NUTF2: variants seen among roughly 807,000 people sequenced by gnomAD.
NUTF2 encodes nuclear transport factor 2.
A neutral mutation model predicts 18.5 loss-of-function variants in NUTF2; 3 were observed. The observed-to-expected ratio is 0.16, with a 90% CI of 0.07 to 0.42. The LOEUF (loss-of-function observed/expected upper bound fraction) is 0.42, where lower values mean the gene tolerates loss of function less well. Among genes scored for constraint, NUTF2 ranks in the 10% least tolerant of loss-of-function variants. The pLI is 0.99. For missense variants in NUTF2, 44 were observed against 160.7 expected (o/e 0.27, Z 3.93); for synonymous variants, 51 against 57.9 (o/e 0.88, Z 0.54).
Position 67,862,475 on chromosome 16 carries a change from C to T in NUTF2, c.-29-2627C>T, listed in dbSNP as rs549669463. On this transcript the variant is annotated intron_variant, in intron 1 of 4. Coordinates refer to ENST00000219169, the MANE Select transcript of NUTF2 (RefSeq NM_005796.3). ...TGCCCTACCAGGCCAAAGGGTCTTTCTCTTCCTTTATCCCTCCACCCCATT... is the reference window on the plus strand; with the variant it reads ...TGCCCTACCAGGCCAAAGGGTCTTTTTCTTCCTTTATCCCTCCACCCCATT... Among the ~76,000 whole-genome samples, 79 of 152,304 alleles carry T rather than the reference C, an allele frequency of 5.2e-4. 1 individual carries two copies. Among genetic ancestry groups the T allele is most frequent in the Non-Finnish European group, 7.2e-4 (49 of 68,026 alleles).
At chr16:67,863,533 A>G (rs903406967) in intron 1 of NUTF2, among the ~76,000 whole-genome samples, 3 of 152,050 alleles carry the variant, frequency 2.0e-5, no homozygotes, top group Admixed American at 2.0e-4. Context: ...AGCACTTACC[A>G]TGTTGAGCTG....
intron 2 of NUTF2, among the ~76,000 whole-genome samples, chr16:67,865,903 A>G (rs2057968005): frequency 6.6e-6 from 1 of 151,986 alleles, no homozygotes; most frequent in Non-Finnish European, 1.5e-5. Flanking sequence ...TATTTTTAGT[A>G]GAGATGGGGT....
intron 2 of NUTF2, among the ~76,000 whole-genome samples, chr16:67,867,933 G>T (rs190870994): frequency 6.6e-6 from 1 of 152,092 alleles, no homozygotes; most frequent in East Asian, 1.9e-4. Context: ...TGATCTTCCC[G>T]CCTTGGCTTC....
At chr16:67,852,479 TC>T (rs1304616534) in intron 1 of NUTF2, among the ~76,000 whole-genome samples, 1 of 150,756 alleles carries the variant, frequency 6.6e-6, no homozygotes, top group Non-Finnish European at 1.5e-5. Flanking sequence ...GTGTCAACCT[TC>T]CGAGTGGCTG....
chr16:67,859,751 C>T (rs930663787), intron 1 of NUTF2, among the ~76,000 whole-genome samples: 4 of 150,078 alleles, frequency 2.7e-5, no homozygotes, highest in African/African-American at 9.8e-5. Context: ...CCGCCTTGGC[C>T]TCCCAAAATG....
At chr16:67,853,963 CTTTT>C (rs1228554840) in intron 1 of NUTF2, among the ~76,000 whole-genome samples, 3 of 152,012 alleles carry the variant, frequency 2.0e-5, no homozygotes, top group African/African-American at 7.2e-5. Flanking sequence ...GCATGGCCTT[CTTTT>C]TGAGATGGAG....
At chr16:67,863,962 C>T (rs1378406646) in intron 1 of NUTF2, among the ~76,000 whole-genome samples, 7 of 152,170 alleles carry the variant, frequency 4.6e-5, no homozygotes, top group Non-Finnish European at 1.0e-4. Flanking sequence ...GAGACAGCTC[C>T]TTAGGGTAAA....
At chr16:67,861,691 A>G (rs2057936354) in intron 1 of NUTF2, among the ~76,000 whole-genome samples, 1 of 152,168 alleles carries the variant, frequency 6.6e-6, no homozygotes, top group Admixed American at 6.5e-5. Flanking sequence ...CGGCCCTCTC[A>G]CAAGAGCTGT....
At chr16:67,848,270 C>T (rs1486405692) in intron 1 of NUTF2, among the ~76,000 whole-genome samples, 1 of 152,164 alleles carries the variant, frequency 6.6e-6, no homozygotes, top group Non-Finnish European at 1.5e-5. Flanking sequence ...CTCTGAGCCG[C>T]AGTCTTTCCA....
At chr16:67,864,671 A>G (rs929286063) in intron 1 of NUTF2, among the ~76,000 whole-genome samples, 1 of 152,120 alleles carries the variant, frequency 6.6e-6, no homozygotes, top group African/African-American at 2.4e-5. Flanking sequence ...TCTTGGCTGT[A>G]AAGTGGGAAG....
chr16:67,865,082 T>G lies in NUTF2; in HGVS notation c.-29-20T>G. 1 of 1,262,582 alleles carries G rather than the reference T, an allele frequency of 7.9e-7. No homozygotes were observed. Among genetic ancestry groups the G allele is most frequent in the Non-Finnish European group, 1.2e-6 (1 of 865,228 alleles). The allele number at this position is 1,262,582 out of a possible 1,614,324, so 78.2% of individuals were successfully genotyped here. ...TCTCATGGTACCAATGCTTCCCTCC[T>G]GGTCTCATTGGTCTTGCAGGTCTCC... is the stretch of plus-strand genomic sequence containing the variant. On this transcript the variant is annotated intron_variant, in intron 1 of 4. Coordinates refer to ENST00000219169, the MANE Select transcript of NUTF2 (RefSeq NM_005796.3).
chr16:67,860,104 C>G (rs566667589), intron 1 of NUTF2, among the ~76,000 whole-genome samples: 3 of 152,146 alleles, frequency 2.0e-5, no homozygotes, highest in East Asian at 3.9e-4. Context: ...CTCAGCCTCC[C>G]AAGTAGCTGG....
rs755007489 is a variant in NUTF2, at chr16:67,868,496, T to C, written c.172-5T>C. On this transcript the variant is annotated splice_region_variant and splice_polypyrimidine_tract_variant and intron_variant, in intron 3 of 4. Transcript: ENST00000219169. ...TTCTCCCACCTCCCACTCTCTCTCT[T>C]GTAGAGCCTTCCGTTCCAGAAAATT... 6 of 1,613,496 alleles carry C rather than the reference T, an allele frequency of 3.7e-6. No individual in the cohort carries two copies. The highest frequency in any genetic ancestry group is 5.1e-6 in the Non-Finnish European group (6 of 1,179,512).
At chr16:67,870,629 ATACAT>A (rs2151301995) in intron 4 of NUTF2, 166 bp from the exon 5 acceptor site, 2 of 641,350 alleles carry the variant, frequency 3.1e-6, no homozygotes, top group Non-Finnish European at 5.7e-6. Context: ...GCATTGTTTC[ATACAT>A]TACATCAATT....
At chr16:67,855,706 A>T (rs1208734692) in intron 1 of NUTF2, among the ~76,000 whole-genome samples, 1 of 152,150 alleles carries the variant, frequency 6.6e-6, no homozygotes, top group South Asian at 2.1e-4. Flanking sequence ...TACTGGTTCC[A>T]CTTGCAGGTG....
chr16:67,862,278 ACT>A (rs1400094307), intron 1 of NUTF2, among the ~76,000 whole-genome samples: 3 of 152,128 alleles, frequency 2.0e-5, no homozygotes, highest in Non-Finnish European at 4.4e-5. Context: ...CAGCGACATC[ACT>A]GGATGACAGT....
intron 1 of NUTF2, among the ~76,000 whole-genome samples, chr16:67,860,496 C>T (rs2057928185): frequency 6.6e-6 from 1 of 152,122 alleles, no homozygotes; most frequent in Non-Finnish European, 1.5e-5. Context: ...GTCTGGAACT[C>T]CTGGACTCAA....
At chr16:67,863,367 G>A (rs539773653) in intron 1 of NUTF2, among the ~76,000 whole-genome samples, 3 of 152,184 alleles carry the variant, frequency 2.0e-5, no homozygotes, top group East Asian at 3.9e-4. Flanking sequence ...CCTCCTAGGG[G>A]ACCTAAAATA....
chr16:67,853,368 T>A (rs1315676984), intron 1 of NUTF2, among the ~76,000 whole-genome samples: 2 of 152,010 alleles, frequency 1.3e-5, no homozygotes, highest in Non-Finnish European at 2.9e-5. Context: ...ATTATTATTA[T>A]TATTTCTGAG....
Sources: allele counts gnomAD v4.1 joint callset (sites outside exome capture counted in the v4.1 genomes callset), GRCh38; gene constraint gnomAD v4.1.1; transcripts MANE v1.5; gene names NCBI Gene and HGNC (gene_info 2026-07-23, HGNC 2026-07-21).